Variants in CDH1 observed in about 807,000 individuals in gnomAD.
CDH1 encodes the protein cadherin 1, also known as cadherin-1.
In CDH1, 35 loss-of-function variants were observed where a neutral mutation model predicts 84.5. The observed-to-expected ratio is 0.41, with a 90% CI of 0.32 to 0.55. The LOEUF is 0.55. Among genes scored for constraint, CDH1 ranks in the 20% least tolerant of loss-of-function variants. The pLI is 0.19. For synonymous variants in CDH1, 417 were observed against 439.0 expected (o/e 0.95, Z 0.63); for missense variants, 994 against 1,126.6 (o/e 0.88, Z 1.68).
intron 2 of CDH1, among the ~76,000 whole-genome samples, chr16:68,742,284 CCTT>C (rs1363487240): frequency 6.6e-6 from 1 of 151,598 alleles, no homozygotes; most frequent in Non-Finnish European, 1.5e-5. Flanking sequence ...CATTTCCCCT[CCTT>C]TTTTTTTTTT....
At position 68,806,846 on chromosome 16, in the gene CDH1, A is replaced by G. The variant is rs796123961; in HGVS notation, c.388-1578A>G. Among the ~76,000 whole-genome samples the G allele has an allele frequency of 4.6e-5, 7 of 152,320 alleles. 1 individual carries two copies. Among genetic ancestry groups the G allele is most frequent in the African/African-American group, 1.7e-4 (7 of 41,582 alleles). On this transcript the variant is annotated intron_variant, in intron 3 of 15. Transcript: ENST00000261769. ...GACAAACACAGGATGTAGAGGGCAG[A>G]GAGCATAGGTGTGTGCGCATGTGTG... is the stretch of plus-strand genomic sequence containing the variant.
At chr16:68,809,207 C>T (rs1019443898) in intron 5 of CDH1, among the ~76,000 whole-genome samples, 2 of 148,744 alleles carry the variant, frequency 1.3e-5, no homozygotes, top group East Asian at 2.0e-4. Context: ...GCAGCAAGAG[C>T]TTAGGAAAAC....
rs1422689354 is a variant in CDH1, at chr16:68,834,362, A to G, written c.*863A>G. 2.1e-6 allele frequency: 1 copy of G among 465,324 alleles called. No individual in the cohort carries two copies. The highest frequency in any genetic ancestry group is 4.2e-6 in the Non-Finnish European group (1 of 237,066). 28.8% of individuals were successfully genotyped at this position (465,324 alleles called of 1,614,324 possible). ...ACTGTAACCTCAAACTCTGGGGCTC[A>G]AGCAGTTCTCCCACCAGCCTCCTTT... On this transcript the variant is annotated 3_prime_UTR_variant, in exon 16 of 16. Transcript: ENST00000261769.
At chr16:68,787,430 A>G (rs1960084712) in intron 2 of CDH1, among the ~76,000 whole-genome samples, 1 of 152,200 alleles carries the variant, frequency 6.6e-6, no homozygotes, top group Non-Finnish European at 1.5e-5. Flanking sequence ...TGTAAAGTTC[A>G]CAGTGCCCAC....
chr16:68,804,202 C>T (rs1220659897), intron 3 of CDH1, among the ~76,000 whole-genome samples: 2 of 147,654 alleles, frequency 1.4e-5, no homozygotes, highest in Admixed American at 6.9e-5. Flanking sequence ...CAAGCTCCAC[C>T]TCCCGGATTC....
chr16:68,756,220 C>G (rs981437841), intron 2 of CDH1, among the ~76,000 whole-genome samples: 1 of 151,844 alleles, frequency 6.6e-6, no homozygotes, highest in African/African-American at 2.4e-5. Flanking sequence ...AGGCTTCCTC[C>G]CCAACAAATT....
intron 2 of CDH1, among the ~76,000 whole-genome samples, chr16:68,756,277 C>T (rs1963016193): frequency 6.6e-6 from 1 of 152,020 alleles, no homozygotes; most frequent in Non-Finnish European, 1.5e-5. Context: ...AACAAGATGA[C>T]CAACTTGTTG....
intron 15 of CDH1, among the ~76,000 whole-genome samples, chr16:68,832,943 C>G (rs917928091): frequency 6.6e-6 from 1 of 151,872 alleles, no homozygotes; most frequent in Non-Finnish European, 1.5e-5. Flanking sequence ...GGAAATGCAG[C>G]CTGCATGCAC....
chr16:68,832,822 A>G (rs1472479529), intron 15 of CDH1, among the ~76,000 whole-genome samples: 1 of 151,176 alleles, frequency 6.6e-6, no homozygotes, highest in Non-Finnish European at 1.5e-5. Context: ...CCCTGTCTCT[A>G]AAAAAAAAGA....
At chr16:68,795,324 A>G (rs563266282) in intron 2 of CDH1, among the ~76,000 whole-genome samples, 32 of 152,150 alleles carry the variant, frequency 2.1e-4, no homozygotes, top group African/African-American at 7.2e-4. Context: ...TTCATCCATC[A>G]AGTTAGATTT....
Position 68,822,044 on chromosome 16 carries a change from G to C in CDH1, c.1755G>C (p.Leu585=), listed in dbSNP as rs1961158472. The change falls in exon 12 of 16, where the codon CTG becomes CTC. Residue 585 remains leucine, a synonymous_variant. Transcript: ENST00000261769. ...ATGTGTLLLI[L]SDVNDNAPIP... is the part of the protein sequence containing the mutation. ...GAACAGGGACACTTCTGCTGATCCT[G>C]TCTGATGTGAATGACAACGCCCCCA... is the stretch of plus-strand genomic sequence containing the variant. The C allele has an allele frequency of 6.2e-7, 1 of 1,614,028 alleles. No homozygotes were observed. The highest frequency in any genetic ancestry group is 2.2e-5 in the East Asian group (1 of 44,898).
At position 68,834,735 on chromosome 16, in the gene CDH1, G is replaced by C. The variant is rs1225825306; in HGVS notation, c.*1236G>C. ...GCAATGGGCAGCTATCCAGTGACTT[G>C]TTCTGAGTAAGTGTGTTCATTAATG... On this transcript the variant is annotated 3_prime_UTR_variant, in exon 16 of 16. Transcript: ENST00000261769. 6 of 233,280 alleles carry C rather than the reference G, an allele frequency of 2.6e-5. No homozygotes were observed. The highest frequency in any genetic ancestry group is 1.3e-4 in the African/African-American group (6 of 45,180). The allele number at this position is 233,280 out of a possible 1,614,324, so 14.5% of individuals were successfully genotyped here.
rs10716052 is a variant in CDH1 at position 68,794,852 on chromosome 16, A to ATT, written c.164-6806_164-6805dup. ...CAGGCGCCCACCACCATGCCCAGCTATTTTTTTTTTTTTGTATTTTTAGTA... is the reference window on the plus strand; with the variant it reads ...CAGGCGCCCACCACCATGCCCAGCTATTTTTTTTTTTTTTTGTATTTTTAGTA... On this transcript the variant is annotated intron_variant, in intron 2 of 15. Transcript: ENST00000261769. 2.9e-4 allele frequency among the ~76,000 whole-genome samples: 42 copies of ATT among 144,646 alleles called. 1 individual carries two copies. The South Asian group carries it at 4.7e-3, about 16-fold the overall frequency. The allele number at this position is 144,646 out of a possible 152,430, so 94.9% of individuals were successfully genotyped here.
At chr16:68,790,748 G>A (rs1321971766) in intron 2 of CDH1, among the ~76,000 whole-genome samples, 1 of 152,084 alleles carries the variant, frequency 6.6e-6, no homozygotes, top group Non-Finnish European at 1.5e-5. Flanking sequence ...TTGCCAGTTG[G>A]TGTTGACTCT....
chr16:68,788,683 T>TA (rs1960130781), intron 2 of CDH1, among the ~76,000 whole-genome samples: 1 of 152,096 alleles, frequency 6.6e-6, no homozygotes, highest in Admixed American at 6.6e-5. Context: ...CACATTTTTT[T>TA]AAATGGGTAA....
At position 68,833,708 on chromosome 16, in the gene CDH1, CTTT is replaced by C; in HGVS notation, c.*219_*221del. On this transcript the variant is annotated 3_prime_UTR_variant, in exon 16 of 16. Transcript: ENST00000261769. ...AAAAGTTTCGACTTATTTCTTAAAG[CTTT>C]TTTTTTTTTCCCATCACTCTTTACA... 1.6e-5 allele frequency: 8 copies of C among 509,334 alleles called. No homozygotes were observed. Among genetic ancestry groups the C allele is most frequent in the East Asian group, 3.3e-5 (1 of 30,156 alleles). 31.6% of individuals were successfully genotyped at this position (509,334 alleles called of 1,614,324 possible).
At chr16:68,791,232 C>T (rs1567496619) in intron 2 of CDH1, among the ~76,000 whole-genome samples, 1 of 152,142 alleles carries the variant, frequency 6.6e-6, no homozygotes, top group Non-Finnish European at 1.5e-5. Context: ...CTGCCGCCTG[C>T]TCTCTCCCTT....
In CDH1 at chr16:68,834,088, C is replaced by T. The variant is rs8049282; in HGVS notation, c.*589C>T. ...CCTTGCACCTCAGCCTCCCAAGTAG[C>T]TGGGACCACAGGCATGCACCACTAC... On this transcript the variant is annotated 3_prime_UTR_variant, in exon 16 of 16. Coordinates refer to ENST00000261769, the MANE Select transcript of CDH1 (RefSeq NM_004360.5). 0.05 allele frequency: 18,996 copies of T among 380,440 alleles called. 1,250 individuals carry two copies. Among genetic ancestry groups the T allele is most frequent in the African/African-American group, 0.2 (9,618 of 47,702 alleles). The allele number at this position is 380,440 out of a possible 1,614,324, so 23.6% of individuals were successfully genotyped here.
chr16:68,812,694 A>G (rs1960872865), intron 8 of CDH1, among the ~76,000 whole-genome samples: 1 of 152,200 alleles, frequency 6.6e-6, no homozygotes, highest in Non-Finnish European at 1.5e-5. Context: ...TGCCAAGGAT[A>G]TTACATGCAT....
Sources: allele counts gnomAD v4.1 joint callset (sites outside exome capture counted in the v4.1 genomes callset), GRCh38; gene constraint gnomAD v4.1.1; transcripts MANE v1.5; gene names NCBI Gene and HGNC (gene_info 2026-07-23, HGNC 2026-07-21).